ARVCF: variants seen among roughly 807,000 people sequenced by gnomAD.
The protein encoded by ARVCF is splicing regulator ARVCF.
ARVCF carries 66 observed loss-of-function variants against 90.9 expected under a neutral mutation model. That is an observed-to-expected ratio of 0.73 (90% CI 0.60 to 0.89). The LOEUF is 0.89. ARVCF is among the 40% of genes least tolerant of loss of function. The pLI is 0.00. For synonymous variants in ARVCF, 653 were observed against 603.4 expected (o/e 1.08, Z -1.21); for missense variants, 1,469 against 1,382.3 (o/e 1.06, Z -1.00).
chr22:19,983,094 C>T (rs1943590635), intron 3 of ARVCF, among the ~76,000 whole-genome samples: 1 of 152,246 alleles, frequency 6.6e-6, no homozygotes, highest in Non-Finnish European at 1.5e-5. Flanking sequence ...TCTGACTGCA[C>T]AGGTGCCTGG....
chr22:19,982,557 C>A (rs944617186), intron 3 of ARVCF, among the ~76,000 whole-genome samples: 1 of 152,322 alleles, frequency 6.6e-6, no homozygotes, highest in East Asian at 1.9e-4. Context: ...CCTCCTCCCT[C>A]ACCTGCCCCA....
rs1036230513 is a variant in ARVCF at position 19,980,164 on chromosome 22, C to T, written c.975G>A (p.Leu325=). ...RPAFPMVTAP[L]AQPERGSMGS... ...CCATGCTGCCCCGTTCAGGCTGGGC[C>T]AGGGGCGCCGTCACCATTGGGAACG... The change falls in exon 6 of 20, where the codon CTG becomes CTA. Residue 325 remains leucine, a synonymous_variant. Coordinates refer to ENST00000263207, the MANE Select transcript of ARVCF (RefSeq NM_001670.3). 2.5e-6 allele frequency: 4 copies of T among 1,582,022 alleles called. No individual in the cohort carries two copies. The African/African-American group carries it at 5.4e-5, about 21-fold the overall frequency.
At chr22:20,011,700 C>A (rs1944838661) in intron 1 of ARVCF, among the ~76,000 whole-genome samples, 1 of 152,176 alleles carries the variant, frequency 6.6e-6, no homozygotes, top group South Asian at 2.1e-4. Context: ...GTTGGGAGCC[C>A]ATCCACCAGC....
chr22:19,987,281 C>CG (rs1943841091), intron 3 of ARVCF: 1 of 29,100 alleles, frequency 3.4e-5, no homozygotes, highest in Non-Finnish European at 7.5e-5. Context: ...TGGCGGGGGC[C>CG]GGGGTGGGCG....
chr22:20,013,540 T>G (rs956529034), intron 1 of ARVCF, among the ~76,000 whole-genome samples: 1 of 152,254 alleles, frequency 6.6e-6, no homozygotes. Flanking sequence ...GGTCCTGGTC[T>G]GCCGCAGGAA....
intron 8 of ARVCF, 82 bp from the exon 9 acceptor site, chr22:19,977,668 G>A (rs1569156304): frequency 9.6e-6 from 14 of 1,464,044 alleles, no homozygotes; most frequent in Admixed American, 5.1e-5. Context: ...CAGCTGGTGT[G>A]CATGAGGGCA....
rs752840005 is a variant in ARVCF at position 19,972,813 on chromosome 22, A to G, written c.2565T>C (p.Thr855=). 6 of 1,613,568 alleles carry G rather than the reference A, an allele frequency of 3.7e-6. No homozygotes were observed. The highest frequency in any genetic ancestry group is 4.2e-6 in the Non-Finnish European group (5 of 1,179,770). ...TCAGTGCTCCCTTAGGCCCCTTGGC[A>G]GTAGCAGCAGCTGACTGAGACATAA... is the stretch of plus-strand genomic sequence containing the variant. ...TKARFQSAAA[T]AKGPKGALSP... The change falls in exon 16 of 20, where the codon ACT becomes ACC. Residue 855 remains threonine (T), a synonymous_variant. Coordinates refer to ENST00000263207, the MANE Select transcript of ARVCF (RefSeq NM_001670.3).
downstream of ARVCF, chr22:19,967,068 A>C: frequency 8.2e-7 from 1 of 1,221,322 alleles, no homozygotes; most frequent in Non-Finnish European, 1.1e-6. Flanking sequence ...TCCCCTCTTG[A>C]CCAGTTTCGT....
intron 19 of ARVCF, 130 bp from the exon 20 acceptor site, chr22:19,970,873 G>T: frequency 8.3e-7 from 1 of 1,199,406 alleles, no homozygotes; most frequent in Non-Finnish European, 1.1e-6. Context: ...TCTGCCCTGG[G>T]TGGTGTGGGC....
chr22:19,987,271 T>A (rs1601626586), intron 3 of ARVCF: 1 of 41,920 alleles, frequency 2.4e-5, no homozygotes, highest in African/African-American at 9.5e-5. Context: ...AGGTGGGGCG[T>A]GGCGGGGGCC....
chr22:19,990,812 G>C lies in ARVCF; in HGVS notation c.-18C>G, dbSNP rs116816134. 6 of 1,545,576 alleles carry C rather than the reference G, an allele frequency of 3.9e-6. No individual in the cohort carries two copies. The highest frequency in any genetic ancestry group is 3.9e-5 in the Admixed American group (2 of 51,688). On this transcript the variant is annotated splice_region_variant and 5_prime_UTR_variant, in exon 3 of 20. Coordinates refer to ENST00000263207, the MANE Select transcript of ARVCF (RefSeq NM_001670.3). ...TCCTCCATGACCAGAGCGCCCGCCA[G>C]CTGCAGGCAAAGCAGAGTAAGCTCA...
At chr22:19,995,032 G>A (rs1341839047) in intron 2 of ARVCF, among the ~76,000 whole-genome samples, 1 of 151,930 alleles carries the variant, frequency 6.6e-6, no homozygotes, top group Non-Finnish European at 1.5e-5. Context: ...TAGACAGCTA[G>A]ATGGATGATT....
chr22:19,978,883 G>T lies in ARVCF; in HGVS notation c.1580+14C>A. ...GGTGTGCATGTGGGCTTTAGCACCA[G>T]GTCTGGTCCACACCTCAGGCAGCCC... On this transcript the variant is annotated intron_variant, in intron 7 of 19. Coordinates refer to ENST00000263207, the MANE Select transcript of ARVCF (RefSeq NM_001670.3). The T allele has an allele frequency of 6.2e-7, 1 of 1,603,360 alleles. No homozygotes were observed. Among genetic ancestry groups the T allele is most frequent in the Non-Finnish European group, 8.5e-7 (1 of 1,173,158 alleles).
chr22:19,978,455 G>C (rs1943287996), intron 7 of ARVCF, among the ~76,000 whole-genome samples: 1 of 152,222 alleles, frequency 6.6e-6, no homozygotes, highest in African/African-American at 2.4e-5. Context: ...AAGGTCAAGA[G>C]CCTGCAGGGC....
intron 2 of ARVCF, among the ~76,000 whole-genome samples, chr22:19,997,039 A>G (rs551906165): frequency 5.9e-5 from 9 of 152,302 alleles, no homozygotes; most frequent in Admixed American, 1.3e-4. Flanking sequence ...CCCTGCACTA[A>G]TGCAGTGCCC....
chr22:19,971,674 G>A (rs1257112569), intron 18 of ARVCF, among the ~76,000 whole-genome samples: 1 of 152,178 alleles, frequency 6.6e-6, no homozygotes, highest in Non-Finnish European at 1.5e-5. Context: ...GCAGGGTGTG[G>A]CCGGGCAGTG....
At position 19,981,743 on chromosome 22, in the gene ARVCF, G is replaced by T; in HGVS notation, c.370-6C>A. ...GTCTTGACAGTCTTGGTGACCTGGT[G>T]GATGGATAGGCAGGTAGGTGGGGTA... On this transcript the variant is annotated splice_polypyrimidine_tract_variant and splice_region_variant and intron_variant, in intron 4 of 19. Transcript: ENST00000263207. 1 of 1,559,302 alleles carries T rather than the reference G, an allele frequency of 6.4e-7. No homozygotes were observed. Among genetic ancestry groups the T allele is most frequent in the South Asian group, 1.2e-5 (1 of 83,282 alleles).
rs770281643 is a variant in ARVCF at position 19,978,962 on chromosome 22, G to A, written c.1515C>T (p.Asn505=). 3.3e-5 allele frequency: 54 copies of A among 1,613,200 alleles called. No individual in the cohort carries two copies. Among genetic ancestry groups the A allele is most frequent in the Middle Eastern group, 3.3e-4 (2 of 6,076 alleles). Residue 505 remains asparagine (N), a synonymous_variant, in exon 7 of 20, where the codon AAC becomes AAT. Coordinates refer to ENST00000263207, the MANE Select transcript of ARVCF (RefSeq NM_001670.3). ...VPHSGWEREP[N]EDSKPRDAEW... ...CGGCGTCCCGTGGCTTGGAGTCCTCGTTGGGCTCACGCTCCCATCCTGAGT... is the reference window on the plus strand; with the variant it reads ...CGGCGTCCCGTGGCTTGGAGTCCTCATTGGGCTCACGCTCCCATCCTGAGT...
At chr22:20,008,339 C>G (rs1944707762) in intron 2 of ARVCF, among the ~76,000 whole-genome samples, 1 of 152,190 alleles carries the variant, frequency 6.6e-6, no homozygotes, top group South Asian at 2.1e-4. Flanking sequence ...GGCAGGGCAT[C>G]TGTGTCCCCG....
Sources: allele counts gnomAD v4.1 joint callset (sites outside exome capture counted in the v4.1 genomes callset), GRCh38; gene constraint gnomAD v4.1.1; transcripts MANE v1.5; gene names NCBI Gene and HGNC (gene_info 2026-07-23, HGNC 2026-07-21).